MED19: variants seen among roughly 807,000 people sequenced by gnomAD.
MED19 encodes the protein mediator complex subunit 19.
MED19 carries 4 observed loss-of-function variants against 19.9 expected under a neutral mutation model. The observed-to-expected ratio is 0.20, with a 90% CI of 0.10 to 0.46. MED19 has a LOEUF of 0.46. Ranked by LOEUF, MED19 falls within the 20% of genes least tolerant of loss-of-function variation. MED19 has a pLI of 0.99. For synonymous variants in MED19, 139 were observed against 119.6 expected, an observed-to-expected ratio of 1.16 and a Z score of -1.06; for missense variants, 303 against 318.7, an observed-to-expected ratio of 0.95 and a Z score of 0.38.
intron 1 of MED19, among the ~76,000 whole-genome samples, chr11:57,708,067 CAAGCT>C (rs1250481077): frequency 6.6e-6 from 1 of 151,992 alleles, no homozygotes; most frequent in Non-Finnish European, 1.5e-5. Flanking sequence ...CTCCTGGACT[CAAGCT>C]ATCTGCCTGC....
chr11:57,706,769 AAAAC>A lies in MED19; in HGVS notation c.218-1544_218-1541del, dbSNP rs1312084526. ...AACAAAACAAAACAACAAAAACAAAAAAACAAGTCAGGCAACTAGAATTATTCTG... is the reference window on the plus strand; with the variant it reads ...AACAAAACAAAACAACAAAAACAAAAAAGTCAGGCAACTAGAATTATTCTG... On this transcript the variant is annotated intron_variant, in intron 1 of 4. Transcript: ENST00000431606. Among the ~76,000 whole-genome samples the A allele has an allele frequency of 3.3e-5, 5 of 152,240 alleles. No homozygotes were observed. In the South Asian group the frequency reaches 8.3e-4, roughly 25 times the overall value.
At chr11:57,711,663 T>C (rs530265203) in intron 1 of MED19, among the ~76,000 whole-genome samples, 1 of 152,232 alleles carries the variant, frequency 6.6e-6, no homozygotes, top group East Asian at 1.9e-4. Flanking sequence ...CCTAGGTCAT[T>C]TTTTAGAGAG....
At position 57,704,742 on chromosome 11, in the gene MED19, C is replaced by T. The variant is rs201552584; in HGVS notation, c.548G>A (p.Arg183His). 95 of 1,539,948 alleles carry T rather than the reference C, an allele frequency of 6.2e-5. No homozygotes were observed. The highest frequency in any genetic ancestry group is 4.2e-4 in the Admixed American group (23 of 54,200). Reference sequence around the variant, plus strand: ...ACCTGGGGGGACAGGATCCTGGGTACGGCTCTGTTTGTGCTTGTGCTTATT... The same window carrying T: ...ACCTGGGGGGACAGGATCCTGGGTATGGCTCTGTTTGTGCTTGTGCTTATT... Residue 183 changes from arginine to histidine, a missense_variant, in exon 3 of 5, where the codon CGT becomes CAT. This residue lies in a region of MED19 where 274 missense variants were observed against 259.2 expected (regional missense o/e 1.06). Transcript: ENST00000431606.
At chr11:57,710,980 C>T (rs1472480495) in intron 1 of MED19, among the ~76,000 whole-genome samples, 1 of 152,190 alleles carries the variant, frequency 6.6e-6, no homozygotes, top group Non-Finnish European at 1.5e-5. Context: ...GCGTGAGCAA[C>T]GCGCCTGGCC....
intron 1 of MED19, among the ~76,000 whole-genome samples, chr11:57,705,941 A>T (rs1946503316): frequency 6.6e-6 from 1 of 152,098 alleles, no homozygotes; most frequent in South Asian, 2.1e-4. Context: ...GCTCAGCTAC[A>T]ACCATGCTCA....
intron 1 of MED19, 25 bp downstream of exon 1, chr11:57,711,938 G>C: frequency 2.1e-6 from 3 of 1,403,214 alleles, no homozygotes; most frequent in Non-Finnish European, 2.8e-6. Flanking sequence ...TTGATTGGCT[G>C]GCTTTGGCAA....
intron 2 of MED19, 75 bp from the exon 3 acceptor site, chr11:57,704,890 A>G: frequency 6.2e-7 from 1 of 1,605,786 alleles, no homozygotes; most frequent in African/African-American, 1.3e-5. Context: ...ATTCTGCTCC[A>G]TTATGAAGGA....
At chr11:57,704,134 C>T (rs992524567) in intron 4 of MED19, 28 bp from the exon 5 acceptor site, 1 of 1,535,952 alleles carries the variant, frequency 6.5e-7, no homozygotes. Context: ...AGGGTAAGAA[C>T]AACTAGGAAC....
intron 1 of MED19, among the ~76,000 whole-genome samples, chr11:57,708,282 C>T (rs1590880496): frequency 2.0e-5 from 3 of 151,996 alleles, no homozygotes; most frequent in Admixed American, 1.3e-4. Flanking sequence ...TTTCTTTTTG[C>T]CCTCAGGAGA....
intron 1 of MED19, among the ~76,000 whole-genome samples, chr11:57,707,141 T>G (rs1946517824): frequency 6.7e-6 from 1 of 148,472 alleles, no homozygotes. Flanking sequence ...GAAGTTGCAG[T>G]GAGCTGAGTT....
rs181559122 is a variant in MED19 at position 57,706,232 on chromosome 11, C to T, written c.218-1003G>A. 3.3e-5 allele frequency among the ~76,000 whole-genome samples: 5 copies of T among 152,192 alleles called. No individual in the cohort carries two copies. The East Asian group carries it at 9.7e-4, about 29-fold the overall frequency. ...GTACGATCTTGGCTCACTGCAACCT[C>T]CGCCTCCTAGGTTCAAGTGATTCTC... On this transcript the variant is annotated intron_variant, in intron 1 of 4. Coordinates refer to ENST00000431606, the Ensembl canonical transcript of MED19.
chr11:57,711,394 C>T (rs1055040494), intron 1 of MED19, among the ~76,000 whole-genome samples: 1 of 152,212 alleles, frequency 6.6e-6, no homozygotes, highest in African/African-American at 2.4e-5. Flanking sequence ...TCTCGTTCGC[C>T]CAGGCTGGAG....
At chr11:57,705,417 T>C (rs1946497471) in intron 1 of MED19, among the ~76,000 whole-genome samples, 188 bp from the exon 2 acceptor site, 1 of 152,078 alleles carries the variant, frequency 6.6e-6, no homozygotes, top group African/African-American at 2.4e-5. Flanking sequence ...TTTGGGAGGC[T>C]GAGGCGGGTG....
chr11:57,707,198 A>C (rs1946518640), intron 1 of MED19, among the ~76,000 whole-genome samples: 1 of 136,852 alleles, frequency 7.3e-6, no homozygotes, highest in Non-Finnish European at 1.6e-5. Context: ...ATTCCATCTC[A>C]AAAAAAAAAA....
chr11:57,705,173 C>T (rs1946494590), exon 2 of MED19: 1 of 1,614,146 alleles, frequency 6.2e-7, no homozygotes, highest in South Asian at 1.1e-5. Flanking sequence ...TTATTATAGG[C>T]TTGTTCCAAG....
exon 5 of MED19, chr11:57,703,727 A>ATT (rs570253487): frequency 3.7e-4 from 95 of 253,810 alleles, no homozygotes; most frequent in East Asian, 1.0e-3. Flanking sequence ...GATAAATGTA[A>ATT]TTTTTTTTTT....
chr11:57,704,669 G>GTTTTTTGTTT, intron 3 of MED19, 50 bp downstream of exon 3: 1 of 1,286,328 alleles, frequency 7.8e-7, no homozygotes, highest in Non-Finnish European at 1.0e-6. Context: ...AGAAGGTCAG[G>GTTTTTTGTTT]TTTTTTTTTT....
At chr11:57,703,726 A>G (rs758753381) in exon 5 of MED19, 5 of 289,948 alleles carry the variant, frequency 1.7e-5, no homozygotes, top group Non-Finnish European at 2.5e-5. Flanking sequence ...TGATAAATGT[A>G]ATTTTTTTTT....
intron 1 of MED19, 37 bp downstream of exon 1, chr11:57,711,926 A>G (rs1946628503): frequency 7.1e-7 from 1 of 1,400,374 alleles, no homozygotes; most frequent in Non-Finnish European, 9.3e-7. Flanking sequence ...CCTCTCTAAG[A>G]TTTGATTGGC....
Sources: gnomAD v4.1 joint callset for allele counts (sites outside exome capture counted in the v4.1 genomes callset) on GRCh38, gnomAD v4.1.1 for gene constraint, gnomAD v4.1.1 regional missense constraint, MANE v1.5 for transcripts, NCBI Gene and HGNC (gene_info 2026-07-23, HGNC 2026-07-21) for gene names.